C10orf71: variants seen among roughly 807,000 people sequenced by gnomAD.
The protein encoded by C10orf71 is cardiac-enriched FHL2-interacting protein.
For synonymous variants in C10orf71, 758 were observed against 726.3 expected (o/e 1.04, Z -0.70); for missense variants, 1,869 against 1,804.5 (o/e 1.04, Z -0.65).
At position 49,323,158 on chromosome 10, in the gene C10orf71, A is replaced by T; in HGVS notation, c.613A>T (p.Thr205Ser). The T allele has an allele frequency of 6.2e-7, 1 of 1,613,862 alleles. No individual in the cohort carries two copies. The highest frequency in any genetic ancestry group is 8.5e-7 in the Non-Finnish European group (1 of 1,179,880). The change falls in exon 3 of 3, where the codon ACC becomes TCC. Residue 205 changes from threonine to serine, a missense_variant. Transcript: ENST00000374144. ...GAGGGTGCCCGCTGAAGTTTCCAAC[A>T]CCCATCAGAACAGCTACCAGCCAGG... ...VRRVPAEVSN[T>S]HQNSYQPGRK...
In C10orf71 at chr10:49,324,904, G is replaced by A; in HGVS notation, c.2359G>A (p.Gly787Arg). 1 of 1,550,804 alleles carries A rather than the reference G, an allele frequency of 6.4e-7. No individual in the cohort carries two copies. The highest frequency in any genetic ancestry group is 8.7e-7 in the Non-Finnish European group (1 of 1,146,282). The change falls in exon 3 of 3, where the codon GGG (glycine) becomes AGG (arginine). Residue 787 changes from glycine to arginine, a missense_variant. By Grantham distance (125) the Gly-to-Arg change is moderately radical. Transcript: ENST00000374144. ...DELQYCALSN[G>R]HACLENRSQG... ...GCTGCAGTACTGTGCCTTAAGCAAT[G>A]GGCACGCATGCCTGGAAAACCGCAG...
At chr10:49,305,389 C>T (rs1022444538) in intron 1 of C10orf71, among the ~76,000 whole-genome samples, 15 of 152,180 alleles carry the variant, frequency 9.9e-5, no homozygotes, top group Admixed American at 5.2e-4. Flanking sequence ...TTAAATTCTG[C>T]GCTACACACG....
At position 49,323,734 on chromosome 10, in the gene C10orf71, A is replaced by G. The variant is rs1426265270; in HGVS notation, c.1189A>G (p.Thr397Ala). 6.2e-7 allele frequency: 1 copy of G among 1,614,026 alleles called. No individual in the cohort carries two copies. Among genetic ancestry groups the G allele is most frequent in the Admixed American group, 1.7e-5 (1 of 60,032 alleles). ...AAAAGGGAAAGAAAGTCTACAAGAT[A>G]CTTTAGAAGAAAAGACACAGACCAA... is the stretch of plus-strand genomic sequence containing the variant. ...GKKGKESLQD[T>A]LEEKTQTNQR... is the part of the protein sequence containing the mutation. Residue 397 changes from threonine to alanine, a missense_variant, in exon 3 of 3, where the codon ACT (threonine) becomes GCT (alanine). Physicochemically the swap from Thr to Ala is moderately conservative, Grantham distance 58 (BLOSUM62 0). Transcript: ENST00000374144.
In C10orf71 at chr10:49,326,721, C is replaced by T. The variant is rs1849261758; in HGVS notation, c.4176C>T (p.Cys1392=). The change falls in exon 3 of 3, where the codon TGC becomes TGT. Residue 1392 remains cysteine, a synonymous_variant. Coordinates refer to ENST00000374144, the MANE Select transcript of C10orf71 (RefSeq NM_001135196.2). ...LQLDPGPHGD[C]TPHSAGQRPH... is the part of the protein sequence containing the mutation. ...TGGACCCAGGGCCTCACGGTGACTG[C>T]ACCCCGCACTCTGCAGGCCAGCGCC... is the stretch of plus-strand genomic sequence containing the variant. 4.5e-6 allele frequency: 7 copies of T among 1,551,218 alleles called. No individual in the cohort carries two copies. The highest frequency in any genetic ancestry group is 6.1e-6 in the Non-Finnish European group (7 of 1,146,970).
chr10:49,298,352 AC>A (rs1032971356), upstream of C10orf71, among the ~76,000 whole-genome samples: 49 of 152,284 alleles, frequency 3.2e-4, no homozygotes, highest in South Asian at 8.3e-4. Context: ...GGGGAAAAAA[AC>A]CCACTCTTGC....
intron 1 of C10orf71, among the ~76,000 whole-genome samples, chr10:49,301,774 C>G (rs61848574): frequency 1.3e-5 from 2 of 152,176 alleles, no homozygotes; most frequent in African/African-American, 4.8e-5. Flanking sequence ...AAAATCCCAA[C>G]AACCAATCAA....
At chr10:49,305,262 C>T (rs914582235) in intron 1 of C10orf71, among the ~76,000 whole-genome samples, 3 of 152,118 alleles carry the variant, frequency 2.0e-5, no homozygotes, top group African/African-American at 7.2e-5. Flanking sequence ...TGGTGCTGAG[C>T]AGAGACTTTT....
chr10:49,304,597 C>T lies in C10orf71; in HGVS notation c.-248+5364C>T, dbSNP rs142547161. 9.8e-5 allele frequency among the ~76,000 whole-genome samples: 15 copies of T among 152,336 alleles called. No homozygotes were observed. The East Asian group carries it at 2.7e-3, about 27-fold the overall frequency. ...GCATATGGAGAACCTGGTCTATAGA[C>T]AATGTGATGGACTCTGTAGAAACCC... On this transcript the variant is annotated intron_variant, in intron 1 of 2. Coordinates refer to ENST00000374144, the MANE Select transcript of C10orf71 (RefSeq NM_001135196.2).
rs964131303 is a variant in C10orf71, at chr10:49,326,327, C to T, written c.3782C>T (p.Pro1261Leu). 6.5e-7 allele frequency: 1 copy of T among 1,549,688 alleles called. No individual in the cohort carries two copies. ...SEPVGRRPGG[P>L]QSLTPLPAYP... ...CCTGTCGGGAGGCGGCCCGGGGGCC[C>T]CCAGTCCCTCACACCCCTGCCCGCG... Residue 1261 changes from proline to leucine, a missense_variant, in exon 3 of 3, where the codon CCC becomes CTC. Physicochemically the swap from Pro to Leu is moderately conservative, Grantham distance 98. Coordinates refer to ENST00000374144, the MANE Select transcript of C10orf71 (RefSeq NM_001135196.2).
rs1849266896 is a variant in C10orf71 at position 49,326,881 on chromosome 10, G to C, written c.*28G>C. 6.8e-7 allele frequency: 1 copy of C among 1,475,340 alleles called. No individual in the cohort carries two copies. Among genetic ancestry groups the C allele is most frequent in the Non-Finnish European group, 9.0e-7 (1 of 1,111,394 alleles). The allele number at this position is 1,475,340 out of a possible 1,614,324, so 91.4% of individuals were successfully genotyped here. On this transcript the variant is annotated 3_prime_UTR_variant, in exon 3 of 3. Coordinates refer to ENST00000374144, the MANE Select transcript of C10orf71 (RefSeq NM_001135196.2). ...TACTGCAGGCTGTCCCCCACCCCCA[G>C]ATGAACCCAGAGGAGCTTACTTCCC...
intron 1 of C10orf71, among the ~76,000 whole-genome samples, chr10:49,306,867 A>T (rs889919402): frequency 2.6e-5 from 4 of 152,214 alleles, no homozygotes; most frequent in African/African-American, 9.6e-5. Context: ...TGAAGGAGCC[A>T]TGTGTCCCTT....
intron 1 of C10orf71, among the ~76,000 whole-genome samples, chr10:49,299,979 G>A (rs1474481257): frequency 6.6e-6 from 1 of 152,224 alleles, no homozygotes; most frequent in Admixed American, 6.5e-5. Flanking sequence ...CACCCTGGGA[G>A]GGCCCCCACC....
At chr10:49,311,249 T>C (rs1564685050) in intron 1 of C10orf71, among the ~76,000 whole-genome samples, 3 of 152,212 alleles carry the variant, frequency 2.0e-5, no homozygotes, top group Admixed American at 2.0e-4. Context: ...GGGGGACACC[T>C]GCAATAGGGC....
intron 1 of C10orf71, among the ~76,000 whole-genome samples, chr10:49,304,807 A>G (rs1034472717): frequency 6.6e-6 from 1 of 152,238 alleles, no homozygotes; most frequent in Non-Finnish European, 1.5e-5. Flanking sequence ...CTCTTCCTCC[A>G]GGAGCCCTCA....
intron 2 of C10orf71, 91 bp from the exon 3 acceptor site, chr10:49,322,311 C>A (rs1849106907): frequency 4.3e-6 from 2 of 463,856 alleles, no homozygotes; most frequent in Non-Finnish European, 7.6e-6. Context: ...TAAAATTAAC[C>A]CTCACAGGCA....
chr10:49,308,535 T>C (rs963113989), intron 1 of C10orf71, among the ~76,000 whole-genome samples: 3 of 152,216 alleles, frequency 2.0e-5, no homozygotes, highest in African/African-American at 7.2e-5. Flanking sequence ...CAATGACCCT[T>C]ATGTATATCA....
chr10:49,297,710 A>G (rs1197487002), upstream of C10orf71, among the ~76,000 whole-genome samples: 1 of 152,246 alleles, frequency 6.6e-6, no homozygotes, highest in Non-Finnish European at 1.5e-5. Flanking sequence ...ATGTCAACTG[A>G]CCAGGAAATA....
rs1849244745 is a variant in C10orf71, at chr10:49,326,323, G to T, written c.3778G>T (p.Gly1260Cys). Residue 1260 changes from glycine (G) to cysteine (C), a missense_variant, in exon 3 of 3, where the codon GGC becomes TGC. By Grantham distance (159) the Gly-to-Cys change is radical. Transcript: ENST00000374144. ...GGAGCCTGTCGGGAGGCGGCCCGGG[G>T]GCCCCCAGTCCCTCACACCCCTGCC... ...FSEPVGRRPG[G>C]PQSLTPLPAY... The T allele has an allele frequency of 1.9e-6, 3 of 1,549,580 alleles. No individual in the cohort carries two copies. The highest frequency in any genetic ancestry group is 4.9e-5 in the East Asian group (2 of 40,880).
At chr10:49,310,740 T>A (rs1848895942) in intron 1 of C10orf71, among the ~76,000 whole-genome samples, 1 of 152,060 alleles carries the variant, frequency 6.6e-6, no homozygotes, top group Non-Finnish European at 1.5e-5. Context: ...GTGATCCACT[T>A]TGAGTGCTAA....
Sources: allele counts gnomAD v4.1 joint callset (sites outside exome capture counted in the v4.1 genomes callset), GRCh38; gene constraint gnomAD v4.1.1; transcripts MANE v1.5; gene names NCBI Gene and HGNC (gene_info 2026-07-23, HGNC 2026-07-21).